PML: variants seen among roughly 807,000 people sequenced by gnomAD.
PML encodes the protein protein PML.
In PML, 28 loss-of-function variants were observed where a neutral mutation model predicts 65.2. The observed-to-expected ratio is 0.43, with a 90% CI of 0.32 to 0.59. The LOEUF is 0.59. Among genes scored for constraint, PML ranks in the 20% least tolerant of loss-of-function variants. The pLI, the probability that PML is intolerant of heterozygous loss-of-function variation, is 0.08. For missense variants in PML, 1,021 were observed against 1,203.4 expected (o/e 0.85, Z 2.24); for synonymous variants, 500 against 508.8 (o/e 0.98, Z 0.23).
At chr15:73,995,255 CT>C in intron 1 of PML, among the ~76,000 whole-genome samples, 1 of 152,348 alleles carries the variant, frequency 6.6e-6, no homozygotes, top group East Asian at 1.9e-4. Flanking sequence ...CGAGCCCTGC[CT>C]CAACTTTGCC....
Position 74,042,365 on chromosome 15 carries a change from T to G in PML, c.1711-624T>G. The G allele has an allele frequency of 1.0e-6, 1 of 985,454 alleles. No individual in the cohort carries two copies. Among genetic ancestry groups the G allele is most frequent in the Non-Finnish European group, 1.2e-6 (1 of 829,928 alleles). 61.0% of individuals were successfully genotyped at this position (985,454 alleles called of 1,614,324 possible). ...GGCCAAGCAGTCCTTCCCCTCGCCTTTGTGTAGGACACTGGCACCTCGGCT... is the reference window on the plus strand; with the variant it reads ...GGCCAAGCAGTCCTTCCCCTCGCCTGTGTGTAGGACACTGGCACCTCGGCT... On this transcript the variant is annotated intron_variant, in intron 7 of 8. Transcript: ENST00000268058. The surrounding 1 kb of genome is among the most constrained non-coding windows in gnomAD (Gnocchi z 5.3).
At position 74,006,098 on chromosome 15, in the gene PML, C is replaced by T. The variant is rs533103791; in HGVS notation, c.602+7622C>T. On this transcript the variant is annotated intron_variant, in intron 2 of 8. Transcript: ENST00000268058. The stretch of plus-strand genomic sequence containing the variant: ...TAGACTAACAAGATATAGATTAACA[C>T]GAGAAAAGCAGGCTGGGTGCTGCGG... Among the ~76,000 whole-genome samples, 257 of 152,116 alleles carry T rather than the reference C, an allele frequency of 1.7e-3. 1 individual carries two copies. The highest frequency in any genetic ancestry group is 5.6e-3 in the African/African-American group (231 of 41,516).
Position 74,044,225 on chromosome 15 carries a change from G to A in PML, c.1866G>A (p.Gln622=). 1.2e-6 allele frequency: 2 copies of A among 1,613,700 alleles called. No individual in the cohort carries two copies. Among genetic ancestry groups the A allele is most frequent in the East Asian group, 4.5e-5 (2 of 44,856 alleles). The part of the protein sequence containing the change: ...FFDLKIDNET[Q]KISQLAAVNR... ...CTGCCCTTCTCTCCTGCCCAGCCCA[G>A]AAGATTAGCCAGCTGGCTGCGGTGA... Residue 622 remains glutamine, a synonymous_variant, in exon 9 of 9, where the codon CAG becomes CAA. Transcript: ENST00000268058.
rs1595904501 is a variant in PML at position 74,025,181 on chromosome 15, G to C, written c.1254+254G>C. On this transcript the variant is annotated intron_variant, in intron 4 of 8. Coordinates refer to ENST00000268058, the MANE Select transcript of PML (RefSeq NM_033238.3). ...CATGAGCCAGGTTCAGTGGGGGTTA[G>C]ATGTGGGGTAGACAGTCGGCCACAG... The C allele has an allele frequency of 7.9e-5, 42 of 530,362 alleles. No individual in the cohort carries two copies. The East Asian group carries it at 1.3e-3, about 17-fold the overall frequency. 32.9% of individuals were successfully genotyped at this position (530,362 alleles called of 1,614,324 possible). A position where few individuals can be genotyped will look rare whatever the true frequency, so the allele number is the denominator to read the frequency against.
At chr15:74,004,088 G>T (rs2141736530) in intron 2 of PML, among the ~76,000 whole-genome samples, 1 of 152,172 alleles carries the variant, frequency 6.6e-6, no homozygotes, top group East Asian at 1.9e-4. Flanking sequence ...GTTTTTGTTT[G>T]TTAAGGATCT....
At position 74,038,396 on chromosome 15, in the gene PML, A is replaced by G. The variant is rs1424765251; in HGVS notation, c.1710+3866A>G. The stretch of plus-strand genomic sequence containing the variant: ...AGCACATTTCAGGTGATGATGAATT[A>G]AATACCTAGGAGCTCACATTAGAGA... On this transcript the variant is annotated intron_variant, in intron 7 of 8. Coordinates refer to ENST00000268058, the MANE Select transcript of PML (RefSeq NM_033238.3). Among the ~76,000 whole-genome samples, 18 of 152,246 alleles carry G rather than the reference A, an allele frequency of 1.2e-4. No homozygotes were observed. The East Asian group carries it at 2.9e-3, about 24-fold the overall frequency.
At chr15:74,034,946 A>G in intron 7 of PML, 1 of 1,460,526 alleles carries the variant, frequency 6.8e-7, no homozygotes, top group Non-Finnish European at 9.0e-7. Flanking sequence ...TATAGGGGCC[A>G]AACAAGTGAG....
At chr15:74,028,660 A>G (rs1329274144) in intron 4 of PML, among the ~76,000 whole-genome samples, 2 of 152,124 alleles carry the variant, frequency 1.3e-5, no homozygotes, top group Non-Finnish European at 2.9e-5. Context: ...GTCACTCCCC[A>G]TGCTGCCTCC....
chr15:74,035,664 T>C lies in PML; in HGVS notation c.1710+1134T>C. On this transcript the variant is annotated intron_variant, in intron 7 of 8. Transcript: ENST00000268058. This position sits in a 1 kb window ranked among gnomAD's most constrained non-coding sequence, Gnocchi z 4.1. ...AGGGGCTGTGCGATCCCGCAGCCGC[T>C]CCCTCCGGGGCTCCTCCCATTTATC... 6.2e-7 allele frequency: 1 copy of C among 1,613,980 alleles called. No individual in the cohort carries two copies.
At chr15:74,016,061 G>A (rs1482941008) in intron 2 of PML, among the ~76,000 whole-genome samples, 3 of 152,082 alleles carry the variant, frequency 2.0e-5, no homozygotes, top group African/African-American at 7.2e-5. Flanking sequence ...GGCAGATCAC[G>A]AGGTCAAGAG....
At chr15:74,031,652 T>A (rs549300507) in intron 4 of PML, among the ~76,000 whole-genome samples, 1 of 152,338 alleles carries the variant, frequency 6.6e-6, no homozygotes, top group Non-Finnish European at 1.5e-5. Flanking sequence ...TGTTTAACCG[T>A]CTGTTTTCCC....
At chr15:74,033,531 C>T (rs775976604) in intron 6 of PML, 117 bp downstream of exon 6, 17 of 1,067,320 alleles carry the variant, frequency 1.6e-5, no homozygotes, top group Non-Finnish European at 2.4e-5. Context: ...TCCCTTATTC[C>T]CACTGAATAA....
At chr15:74,033,525 T>G in intron 6 of PML, 111 bp downstream of exon 6, 1 of 1,122,874 alleles carries the variant, frequency 8.9e-7, no homozygotes, top group Non-Finnish European at 1.3e-6. Flanking sequence ...CAGGAGTCCC[T>G]TATTCCCACT....
In PML at chr15:74,037,795, G is replaced by A. The variant is rs1451318125; in HGVS notation, c.1710+3265G>A. ...GTGGTGCTCCTGCAGGTTTGCTGCTGGGCCCTTTCCTCTTTTCAGTCTGTG... is the reference window on the plus strand; with the variant it reads ...GTGGTGCTCCTGCAGGTTTGCTGCTAGGCCCTTTCCTCTTTTCAGTCTGTG... On this transcript the variant is annotated intron_variant, in intron 7 of 8. Coordinates refer to ENST00000268058, the MANE Select transcript of PML (RefSeq NM_033238.3). The surrounding 1 kb of genome is among the most constrained non-coding windows in gnomAD (Gnocchi z 4.2). 2.5e-5 allele frequency: 21 copies of A among 844,214 alleles called. No individual in the cohort carries two copies. The highest frequency in any genetic ancestry group is 6.0e-4 in the Middle Eastern group (1 of 1,666). The allele number at this position is 844,214 out of a possible 1,614,324, so 52.3% of individuals were successfully genotyped here.
intron 2 of PML, among the ~76,000 whole-genome samples, chr15:73,999,895 C>T (rs140818472): frequency 0.013 from 1,872 of 142,326 alleles, 33 homozygotes; most frequent in African/African-American, 0.047. Context: ...AGTGCAGTGG[C>T]GCGATCTCGG....
chr15:74,041,158 T>G (rs1401694368), intron 7 of PML, among the ~76,000 whole-genome samples: 2 of 152,204 alleles, frequency 1.3e-5, no homozygotes, highest in Non-Finnish European at 2.9e-5. Context: ...GAAAGTCCTG[T>G]GTGCCATGTC....
chr15:74,042,373 G>A lies in PML; in HGVS notation c.1711-616G>A. The A allele has an allele frequency of 1.0e-6, 1 of 985,426 alleles. No homozygotes were observed. Among genetic ancestry groups the A allele is most frequent in the Non-Finnish European group, 1.2e-6 (1 of 829,928 alleles). The allele number at this position is 985,426 out of a possible 1,614,324, so 61.0% of individuals were successfully genotyped here. A position where few individuals can be genotyped will look rare whatever the true frequency, so the allele number is the denominator to read the frequency against. ...AGTCCTTCCCCTCGCCTTTGTGTAG[G>A]ACACTGGCACCTCGGCTGACTTCGG... On this transcript the variant is annotated intron_variant, in intron 7 of 8. Coordinates refer to ENST00000268058, the MANE Select transcript of PML (RefSeq NM_033238.3). This position sits in a 1 kb window ranked among gnomAD's most constrained non-coding sequence, Gnocchi z 5.3.
intron 7 of PML, among the ~76,000 whole-genome samples, chr15:74,038,297 C>T (rs775637723): frequency 2.6e-5 from 4 of 151,604 alleles, no homozygotes; most frequent in Non-Finnish European, 5.9e-5. Flanking sequence ...GGGGGTGGGG[C>T]GGGGAGTATG....
chr15:74,040,492 GA>G (rs1264012134), intron 7 of PML, among the ~76,000 whole-genome samples: 1 of 152,228 alleles, frequency 6.6e-6, no homozygotes, highest in Non-Finnish European at 1.5e-5. Context: ...CCTGGGGGCA[GA>G]ATGGGAGAGT....
Sources: allele counts gnomAD v4.1 joint callset (sites outside exome capture counted in the v4.1 genomes callset), GRCh38; gene constraint gnomAD v4.1.1; non-coding constraint Gnocchi (gnomAD v3.1); transcripts MANE v1.5; gene names NCBI Gene and HGNC (gene_info 2026-07-23, HGNC 2026-07-21).